The following APBB1IP variants were observed in gnomAD, a reference collection of about 807,000 sequenced individuals.
APBB1IP encodes amyloid beta precursor protein binding family B member 1 interacting protein.
APBB1IP carries 27 observed loss-of-function variants against 64.9 expected under a neutral mutation model. That is an observed-to-expected ratio of 0.42 (90% CI 0.31 to 0.57). The LOEUF (loss-of-function observed/expected upper bound fraction) is 0.57, where lower values mean the gene tolerates loss of function less well. APBB1IP is among the 20% of genes least tolerant of loss of function. APBB1IP has a pLI of 0.20. For synonymous variants in APBB1IP, 392 were observed against 331.0 expected (o/e 1.18, Z -2.00); for missense variants, 812 against 845.5 (o/e 0.96, Z 0.49).
At chr10:26,487,995 A>G (rs1468206011) in intron 2 of APBB1IP, among the ~76,000 whole-genome samples, 3 of 152,216 alleles carry the variant, frequency 2.0e-5, no homozygotes, top group African/African-American at 7.2e-5. Flanking sequence ...TAACACCAAT[A>G]ATTACTCTTA....
chr10:26,546,574 A>G (rs1313289071), intron 11 of APBB1IP, among the ~76,000 whole-genome samples: 1 of 152,220 alleles, frequency 6.6e-6, no homozygotes, highest in Non-Finnish European at 1.5e-5. Context: ...TTTGAAATAT[A>G]CAATGCATTA....
intron 6 of APBB1IP, among the ~76,000 whole-genome samples, chr10:26,505,392 G>A (rs965720992): frequency 6.6e-6 from 1 of 151,980 alleles, no homozygotes; most frequent in Non-Finnish European, 1.5e-5. Flanking sequence ...GTCCATCATT[G>A]GAACTCCACG....
chr10:26,542,168 T>A (rs2132469837), intron 11 of APBB1IP, among the ~76,000 whole-genome samples: 1 of 152,246 alleles, frequency 6.6e-6, no homozygotes, highest in African/African-American at 2.4e-5. Context: ...ATGGTTTACA[T>A]TTTTTTGAGA....
At chr10:26,511,171 T>C (rs1274044472) in intron 6 of APBB1IP, among the ~76,000 whole-genome samples, 1 of 151,674 alleles carries the variant, frequency 6.6e-6, no homozygotes, top group East Asian at 1.9e-4. Context: ...TGAAACGCCA[T>C]CTCCACTGGA....
At chr10:26,509,821 A>G (rs570412664) in intron 6 of APBB1IP, 13 of 152,316 alleles carry the variant, frequency 8.5e-5, no homozygotes, top group South Asian at 2.1e-4. Flanking sequence ...TCGTTGAATA[A>G]CCGGGACCAA....
At chr10:26,518,526 TC>T in intron 8 of APBB1IP, among the ~76,000 whole-genome samples, 1 of 152,334 alleles carries the variant, frequency 6.6e-6, no homozygotes, top group African/African-American at 2.4e-5. Context: ...TGACTTAGCC[TC>T]CCATTAACAT....
At chr10:26,528,599 C>A (rs762873310) in intron 8 of APBB1IP, among the ~76,000 whole-genome samples, 9 of 152,056 alleles carry the variant, frequency 5.9e-5, no homozygotes, top group South Asian at 2.1e-4. Flanking sequence ...TCACTATGAT[C>A]GATCTGTATT....
At chr10:26,464,710 A>G (rs1054444453) in intron 2 of APBB1IP, among the ~76,000 whole-genome samples, 2 of 152,324 alleles carry the variant, frequency 1.3e-5, no homozygotes, top group South Asian at 2.1e-4. Flanking sequence ...TGCCCAGACC[A>G]TAATAATTTT....
rs570712831 is a variant in APBB1IP, at chr10:26,499,265, G to A, written c.161-1554G>A. ...TGGGCAACAGAGGTTGCAATGAGCC[G>A]AGATCATGCTGCTGCACTCCAGCCT... is the stretch of plus-strand genomic sequence containing the variant. On this transcript the variant is annotated intron_variant, in intron 4 of 14. Transcript: ENST00000376236. Among the ~76,000 whole-genome samples the A allele has an allele frequency of 9.9e-5, 15 of 151,566 alleles. No individual in the cohort carries two copies. In the East Asian group the frequency reaches 1.5e-3, roughly 16 times the overall value.
intron 2 of APBB1IP, among the ~76,000 whole-genome samples, chr10:26,483,693 C>T (rs1466508735): frequency 6.6e-6 from 1 of 151,908 alleles, no homozygotes; most frequent in African/African-American, 2.4e-5. Context: ...ATTTTTATAC[C>T]TCCTCTGTTG....
intron 6 of APBB1IP, among the ~76,000 whole-genome samples, chr10:26,508,640 A>C (rs1243751840): frequency 6.6e-6 from 1 of 151,584 alleles, no homozygotes; most frequent in Non-Finnish European, 1.5e-5. Flanking sequence ...ATTTAATGTT[A>C]TGTGTTGGTA....
rs550075215 is a variant in APBB1IP, at chr10:26,451,557, G to A, written c.-1+12704G>A. Among the ~76,000 whole-genome samples the A allele has an allele frequency of 7.9e-5, 12 of 152,302 alleles. No homozygotes were observed. In the South Asian group the frequency reaches 1.4e-3, roughly 18 times the overall value. ...CATTTGGACGTCCAGAATCACATCT[G>A]TGGCCAAATTCAGCCACTATTGAGA... On this transcript the variant is annotated intron_variant, in intron 2 of 14. Transcript: ENST00000376236.
At chr10:26,559,525 C>T (rs1836939546) in intron 11 of APBB1IP, among the ~76,000 whole-genome samples, 1 of 151,948 alleles carries the variant, frequency 6.6e-6, no homozygotes, top group Non-Finnish European at 1.5e-5. Context: ...TTGCAGTGAG[C>T]TGTGATTGTG....
intron 2 of APBB1IP, among the ~76,000 whole-genome samples, chr10:26,472,624 A>T (rs760977752): frequency 3.3e-5 from 5 of 151,310 alleles, no homozygotes; most frequent in Non-Finnish European, 5.9e-5. Flanking sequence ...GACATGAGAG[A>T]TGATGCATTA....
chr10:26,553,047 A>T (rs1836851435), intron 11 of APBB1IP, among the ~76,000 whole-genome samples: 2 of 151,778 alleles, frequency 1.3e-5, no homozygotes, highest in South Asian at 4.2e-4. Flanking sequence ...TTTGAGATGG[A>T]GTCTCGCTCT....
chr10:26,560,944 A>C, intron 13 of APBB1IP, 100 bp downstream of exon 13: 1 of 788,146 alleles, frequency 1.3e-6, no homozygotes, highest in Non-Finnish European at 1.9e-6. Flanking sequence ...TGTACACAGC[A>C]TTCAGAATAT....
chr10:26,559,744 G>A (rs534927251), intron 11 of APBB1IP, among the ~76,000 whole-genome samples: 1 of 150,562 alleles, frequency 6.6e-6, no homozygotes, highest in Admixed American at 6.6e-5. Context: ...TCAGCCTCCC[G>A]AGTAGCTGGG....
chr10:26,491,492 C>T (rs376583179), intron 2 of APBB1IP, among the ~76,000 whole-genome samples: 2 of 152,180 alleles, frequency 1.3e-5, no homozygotes, highest in African/African-American at 4.8e-5. Context: ...TTGCAACTCA[C>T]AGTGCGTCCC....
chr10:26,445,143 A>G (rs1432585157), intron 2 of APBB1IP, among the ~76,000 whole-genome samples: 1 of 87,284 alleles, frequency 1.1e-5, no homozygotes, highest in African/African-American at 3.9e-5. Context: ...AAAGAAAGAA[A>G]GAAAGAAAGA....
Sources: gnomAD v4.1 joint callset for allele counts (sites outside exome capture counted in the v4.1 genomes callset) on GRCh38, gnomAD v4.1.1 for gene constraint, MANE v1.5 for transcripts, NCBI Gene and HGNC (gene_info 2026-07-23, HGNC 2026-07-21) for gene names.